Variants in ADGRL3 observed in about 807,000 individuals in gnomAD.
ADGRL3 encodes adhesion G protein-coupled receptor L3, also known as calcium-independent alpha-latrotoxin receptor 3.
ADGRL3 carries 62 observed loss-of-function variants against 153.5 expected under a neutral mutation model. That is an observed-to-expected ratio of 0.40 (90% confidence interval 0.33 to 0.50). ADGRL3 has a LOEUF of 0.50. Among genes scored for constraint, ADGRL3 ranks in the 20% least tolerant of loss-of-function variants. The pLI, the probability that ADGRL3 is intolerant of heterozygous loss-of-function variation, is 0.47. For synonymous variants in ADGRL3, 710 were observed against 672.5 expected, an observed-to-expected ratio of 1.06 and a Z score of -0.86; for missense variants, 1,641 against 1,859.4, an observed-to-expected ratio of 0.88 and a Z score of 2.16.
At chr4:61,512,211 C>T (rs925126131) in intron 3 of ADGRL3, among the ~76,000 whole-genome samples, 1 of 152,040 alleles carries the variant, frequency 6.6e-6, no homozygotes, top group Non-Finnish European at 1.5e-5. Context: ...ATATAATTTC[C>T]AGCATTTACA....
chr4:61,837,821 G>A (rs1249622961), intron 9 of ADGRL3, among the ~76,000 whole-genome samples: 2 of 152,058 alleles, frequency 1.3e-5, no homozygotes, highest in Non-Finnish European at 2.9e-5. Context: ...AGTCTTCTAG[G>A]AAGAAACAAT....
chr4:61,920,672 G>GC (rs1045493375), intron 13 of ADGRL3, among the ~76,000 whole-genome samples: 3 of 152,100 alleles, frequency 2.0e-5, no homozygotes, highest in African/African-American at 4.8e-5. Flanking sequence ...ATTATCTTTA[G>GC]CACATGGGTT....
intron 4 of ADGRL3, chr4:61,579,747 T>C (rs979294082): frequency 1.6e-5 from 5 of 312,940 alleles, no homozygotes; most frequent in Admixed American, 1.4e-4. Context: ...AACATAGTTG[T>C]CTTTGGTTAT....
intron 8 of ADGRL3, among the ~76,000 whole-genome samples, chr4:61,756,007 G>T (rs1258394575): frequency 1.3e-5 from 2 of 152,154 alleles, no homozygotes; most frequent in African/African-American, 4.8e-5. Flanking sequence ...GTACCATGCT[G>T]TTTTGGTTAC....
At chr4:61,966,270 A>T (rs1283571487) in intron 17 of ADGRL3, among the ~76,000 whole-genome samples, 1 of 152,146 alleles carries the variant, frequency 6.6e-6, no homozygotes, top group East Asian at 1.9e-4. Context: ...CCAAAATTTT[A>T]TTGAATATTT....
intron 25 of ADGRL3, among the ~76,000 whole-genome samples, chr4:62,066,968 A>G (rs748408542): frequency 1.9e-4 from 29 of 152,198 alleles, no homozygotes; most frequent in East Asian, 7.7e-4. Flanking sequence ...TTGAATTTCA[A>G]TGATCTCTCA....
At chr4:61,474,451 G>A (rs1290461774) in intron 2 of ADGRL3, among the ~76,000 whole-genome samples, 1 of 152,092 alleles carries the variant, frequency 6.6e-6, no homozygotes, top group African/African-American at 2.4e-5. Context: ...GTAGGACACT[G>A]AGGTAATTTA....
At chr4:61,756,265 T>C (rs1409786958) in intron 8 of ADGRL3, among the ~76,000 whole-genome samples, 6 of 152,210 alleles carry the variant, frequency 3.9e-5, no homozygotes, top group Non-Finnish European at 7.3e-5. Context: ...GGAATGTTCT[T>C]CCATTTGATT....
chr4:61,370,990 T>G (rs999703010), intron 1 of ADGRL3, among the ~76,000 whole-genome samples: 1,994 of 151,326 alleles, frequency 0.013, 52 homozygotes, highest in African/African-American at 0.046. Flanking sequence ...TGTAATGGCC[T>G]TCTTTGTCTC....
chr4:61,756,510 A>G (rs1045557219), intron 8 of ADGRL3, among the ~76,000 whole-genome samples: 19 of 152,196 alleles, frequency 1.2e-4, no homozygotes, highest in South Asian at 2.1e-4. Flanking sequence ...CAACTTAAGG[A>G]GATTTTGGGC....
At chr4:62,064,109 A>G (rs1034327016) in intron 25 of ADGRL3, among the ~76,000 whole-genome samples, 8 of 152,082 alleles carry the variant, frequency 5.3e-5, no homozygotes, top group African/African-American at 1.9e-4. Flanking sequence ...ATTTCAATCA[A>G]CTCTGGGGAG....
Position 61,551,913 on chromosome 4 carries a change from A to G in ADGRL3, c.259+34395A>G, listed in dbSNP as rs140397948. On this transcript the variant is annotated intron_variant, in intron 4 of 26. Coordinates refer to ENST00000683033, the MANE Select transcript of ADGRL3 (RefSeq NM_001387552.1). Reference sequence around the variant, plus strand: ...ACACTTATGTATACATATATTGTATAAGACGCTTGTGTGGGATGGCCTCAA... The same window carrying G: ...ACACTTATGTATACATATATTGTATGAGACGCTTGTGTGGGATGGCCTCAA... 9.2e-3 allele frequency among the ~76,000 whole-genome samples: 1,398 copies of G among 152,320 alleles called. 30 individuals are homozygous for G. The highest frequency in any genetic ancestry group is 0.031 in the African/African-American group (1,295 of 41,572).
intron 2 of ADGRL3, among the ~76,000 whole-genome samples, chr4:61,492,177 C>G (rs776363463): frequency 1.1e-4 from 16 of 152,158 alleles, no homozygotes; most frequent in Non-Finnish European, 2.4e-4. Flanking sequence ...TGTCAGAAAA[C>G]ATTGGCCTCC....
intron 1 of ADGRL3, among the ~76,000 whole-genome samples, chr4:61,254,949 A>G (rs2091816486): frequency 6.6e-6 from 1 of 151,784 alleles, no homozygotes; most frequent in East Asian, 1.9e-4. Flanking sequence ...CTTCATTCTT[A>G]TGTCTTTTAA....
intron 8 of ADGRL3, among the ~76,000 whole-genome samples, chr4:61,760,964 G>A (rs933596059): frequency 7.9e-5 from 12 of 152,224 alleles, no homozygotes; most frequent in African/African-American, 2.9e-4. Context: ...GGGGAAGCCA[G>A]TGAACCAGGA....
chr4:61,300,423 A>G (rs2150335570), intron 1 of ADGRL3, among the ~76,000 whole-genome samples: 1 of 152,318 alleles, frequency 6.6e-6, no homozygotes, highest in East Asian at 1.9e-4. Context: ...GAGTGTGTAA[A>G]TTACATAGCC....
chr4:61,797,658 A>G (rs1455358153), intron 8 of ADGRL3, among the ~76,000 whole-genome samples: 1 of 152,170 alleles, frequency 6.6e-6, no homozygotes, highest in Non-Finnish European at 1.5e-5. Context: ...CACAAGCCAA[A>G]TGATAAACCA....
At chr4:61,642,453 T>A (rs1430860707) in intron 5 of ADGRL3, among the ~76,000 whole-genome samples, 2 of 152,182 alleles carry the variant, frequency 1.3e-5, no homozygotes, top group African/African-American at 2.4e-5. Context: ...CCATCTTGAA[T>A]TGATTTTTGT....
intron 1 of ADGRL3, among the ~76,000 whole-genome samples, chr4:61,372,580 G>T (rs2096548344): frequency 6.6e-6 from 1 of 152,190 alleles, no homozygotes; most frequent in Non-Finnish European, 1.5e-5. Context: ...GAGGCAGTCT[G>T]CCCGTTCTCA....
Sources: gnomAD v4.1 joint callset for allele counts (sites outside exome capture counted in the v4.1 genomes callset) on GRCh38, gnomAD v4.1.1 for gene constraint, MANE v1.5 for transcripts, NCBI Gene and HGNC (gene_info 2026-07-23, HGNC 2026-07-21) for gene names.